ADAMTS17: variants seen among roughly 807,000 people sequenced by gnomAD.
ADAMTS17 encodes A disintegrin and metalloproteinase with thrombospondin motifs 17.
Under a neutral mutation model 141.5 loss-of-function variants are expected in ADAMTS17, and 113 were observed. The ratio of observed to expected loss-of-function variants is 0.80; its 90% CI spans 0.69 to 0.93. The LOEUF (loss-of-function observed/expected upper bound fraction) is 0.93. ADAMTS17 is among the 40% of genes least tolerant of loss of function. ADAMTS17 has a pLI of 0.00. For missense variants in ADAMTS17, 1,659 were observed against 1,517.9 expected (o/e 1.09, Z -1.54); for synonymous variants, 768 against 630.6 (o/e 1.22, Z -3.27).
At chr15:100,054,150 A>G (rs2032370712) in intron 15 of ADAMTS17, 96 bp from the exon 16 acceptor site, 1 of 1,415,518 alleles carries the variant, frequency 7.1e-7, no homozygotes, top group East Asian at 2.3e-5. Context: ...AGTGGGGCAG[A>G]GGTCTCCCTT....
At chr15:100,123,405 G>A (rs189297689) in intron 12 of ADAMTS17, among the ~76,000 whole-genome samples, 1 of 152,196 alleles carries the variant, frequency 6.6e-6, no homozygotes, top group Non-Finnish European at 1.5e-5. Flanking sequence ...GGAGCTGAAG[G>A]TGGGTCCAGT....
chr15:100,284,373 G>C (rs1049806544), intron 3 of ADAMTS17, among the ~76,000 whole-genome samples: 14 of 152,198 alleles, frequency 9.2e-5, no homozygotes, highest in African/African-American at 3.4e-4. Flanking sequence ...ACACAGGTGG[G>C]GGGAAATAAA....
chr15:100,019,433 GT>G (rs1370380974), intron 18 of ADAMTS17, among the ~76,000 whole-genome samples: 1 of 152,226 alleles, frequency 6.6e-6, no homozygotes, highest in Non-Finnish European at 1.5e-5. Context: ...GTGTTTATTA[GT>G]TAATCTCGGT....
chr15:100,163,566 G>C (rs993280482), intron 8 of ADAMTS17, among the ~76,000 whole-genome samples: 1 of 152,148 alleles, frequency 6.6e-6, no homozygotes, highest in African/African-American at 2.4e-5. Flanking sequence ...GTTCACTGCA[G>C]CCTCAAACTC....
intron 13 of ADAMTS17, among the ~76,000 whole-genome samples, chr15:100,114,175 T>TAAA (rs1169414494): frequency 8.5e-6 from 1 of 117,966 alleles, no homozygotes; most frequent in African/African-American, 3.2e-5. Context: ...TTTTTTTTTT[T>TAAA]AAAAAAAGGA....
In ADAMTS17 at chr15:100,132,170, G is replaced by C. The variant is rs1465589861; in HGVS notation, c.1576-18C>G. ...CGGCACCACTGAAACACAGCGGGGA[G>C]GGTCGGGGCCCAGGCACTCAGCAGA... On this transcript the variant is annotated intron_variant, in intron 11 of 21. Transcript: ENST00000268070. 1 of 1,611,506 alleles carries C rather than the reference G, an allele frequency of 6.2e-7. No homozygotes were observed. The highest frequency in any genetic ancestry group is 1.3e-5 in the African/African-American group (1 of 75,058).
chr15:100,048,710 A>G, intron 18 of ADAMTS17, 147 bp downstream of exon 18: 1 of 1,288,928 alleles, frequency 7.8e-7, no homozygotes, highest in Non-Finnish European at 1.1e-6. Flanking sequence ...AAATTTGGTA[A>G]TTTGAGCAAG....
chr15:100,157,174 T>C (rs1377389501), intron 8 of ADAMTS17, among the ~76,000 whole-genome samples: 2 of 152,110 alleles, frequency 1.3e-5, no homozygotes, highest in Admixed American at 6.6e-5. Context: ...ACCCTCATGA[T>C]CCAATCACCT....
At chr15:100,296,067 C>T (rs745311) in intron 3 of ADAMTS17, among the ~76,000 whole-genome samples, 1 of 152,048 alleles carries the variant, frequency 6.6e-6, no homozygotes, top group African/African-American at 2.4e-5. Context: ...AACCTACCAC[C>T]CACATCTAAG....
intron 14 of ADAMTS17, among the ~76,000 whole-genome samples, chr15:100,102,474 AACTGAAGGGGATCTACATTTGAGGGCCG>A: frequency 1.7e-4 from 3 of 18,008 alleles, no homozygotes; most frequent in South Asian, 1.8e-3. Context: ...TTTGAGGGCC[AACTGAAGGGGATCTACATTTGAGGGCCG>A]ACCGAAGGGG....
At chr15:100,159,693 A>T (rs1002538296) in intron 8 of ADAMTS17, among the ~76,000 whole-genome samples, 2 of 152,234 alleles carry the variant, frequency 1.3e-5, no homozygotes. Flanking sequence ...CAGCCTTGGC[A>T]GGCATGGTCT....
At chr15:100,143,911 C>T (rs914164802) in intron 10 of ADAMTS17, among the ~76,000 whole-genome samples, 1 of 152,092 alleles carries the variant, frequency 6.6e-6, no homozygotes, top group Non-Finnish European at 1.5e-5. Flanking sequence ...CTATGAATTG[C>T]GAGTGGCAGA....
Position 100,086,617 on chromosome 15 carries a change from G to A in ADAMTS17, c.2137+9739C>T, listed in dbSNP as rs559533730. On this transcript the variant is annotated intron_variant, in intron 15 of 21. Coordinates refer to ENST00000268070, the MANE Select transcript of ADAMTS17 (RefSeq NM_139057.4). ...GGAAGTGAAGTACTCCTCAGCAAAT[G>A]TAAAACAACAGAAATTATAACAAAT... Among the ~76,000 whole-genome samples the A allele has an allele frequency of 5.3e-5, 8 of 152,262 alleles. No homozygotes were observed. In the South Asian group the frequency reaches 1.2e-3, roughly 24 times the overall value.
chr15:100,181,370 C>T (rs2040518998), intron 8 of ADAMTS17, among the ~76,000 whole-genome samples: 1 of 152,184 alleles, frequency 6.6e-6, no homozygotes, highest in Admixed American at 6.5e-5. Flanking sequence ...CTGCTTTTCT[C>T]AAGCAGAAGG....
intron 7 of ADAMTS17, among the ~76,000 whole-genome samples, chr15:100,239,383 T>C (rs1043245621): frequency 4.2e-4 from 64 of 152,360 alleles, no homozygotes; most frequent in Middle Eastern, 3.4e-3. Context: ...CTTTCCTACC[T>C]GTCAATAATG....
chr15:100,322,484 T>G (rs569324468), intron 3 of ADAMTS17, among the ~76,000 whole-genome samples: 1 of 152,154 alleles, frequency 6.6e-6, no homozygotes, highest in East Asian at 1.9e-4. Context: ...TCCAGAGTAA[T>G]AGAATTCAGA....
At chr15:100,066,103 A>G (rs2033504481) in intron 15 of ADAMTS17, among the ~76,000 whole-genome samples, 1 of 152,062 alleles carries the variant, frequency 6.6e-6, no homozygotes. Flanking sequence ...CATGTGCCAC[A>G]TTTTCTTTAT....
intron 15 of ADAMTS17, among the ~76,000 whole-genome samples, chr15:100,058,168 T>TCCTATCCCAGCTCTTAACACC (rs2032761877): frequency 7.3e-6 from 1 of 137,458 alleles, no homozygotes; most frequent in African/African-American, 2.8e-5. Flanking sequence ...GCTCTAACCC[T>TCCTATCCCAGCTCTTAACACC]CCTATCCCGG....
intron 20 of ADAMTS17, among the ~76,000 whole-genome samples, chr15:99,983,423 CAG>C (rs1203019946): frequency 1.3e-5 from 2 of 151,992 alleles, no homozygotes; most frequent in African/African-American, 4.8e-5. Context: ...CCACCCCCAA[CAG>C]GGGAGGAACC....
Sources: allele counts gnomAD v4.1 joint callset (sites outside exome capture counted in the v4.1 genomes callset), GRCh38; gene constraint gnomAD v4.1.1; transcripts MANE v1.5; gene names NCBI Gene and HGNC (gene_info 2026-07-23, HGNC 2026-07-21).